CACNA2D3: variants seen among roughly 807,000 people sequenced by gnomAD.
The protein encoded by CACNA2D3 is voltage-dependent calcium channel subunit alpha-2/delta-3.
Under a neutral mutation model 160.6 loss-of-function variants are expected in CACNA2D3, and 60 were observed. That is an observed-to-expected ratio of 0.37 (90% confidence interval 0.30 to 0.46). The LOEUF (loss-of-function observed/expected upper bound fraction) is 0.46. Among genes scored for constraint, CACNA2D3 ranks in the 20% least tolerant of loss-of-function variants. The pLI is 1.00. For synonymous variants in CACNA2D3, 558 were observed against 492.9 expected (o/e 1.13, Z -1.75); for missense variants, 1,205 against 1,365.0 (o/e 0.88, Z 1.85).
At chr3:54,664,485 C>T (rs1339599720) in intron 11 of CACNA2D3, among the ~76,000 whole-genome samples, 1 of 152,212 alleles carries the variant, frequency 6.6e-6, no homozygotes, top group Non-Finnish European at 1.5e-5. Context: ...CCGCCACCTC[C>T]CCCTTTCAGC....
At chr3:54,565,615 G>A (rs1383069853) in intron 6 of CACNA2D3, among the ~76,000 whole-genome samples, 1 of 152,144 alleles carries the variant, frequency 6.6e-6, no homozygotes, top group African/African-American at 2.4e-5. Flanking sequence ...AGTGTGCTAG[G>A]TGAGGCTGAG....
intron 4 of CACNA2D3, among the ~76,000 whole-genome samples, chr3:54,405,968 T>A (rs1699568706): frequency 6.6e-6 from 1 of 152,004 alleles, no homozygotes; most frequent in Admixed American, 6.6e-5. Context: ...TCACTAATCA[T>A]CAGAGAAATA....
chr3:54,531,807 A>G (rs1449656985), intron 5 of CACNA2D3, among the ~76,000 whole-genome samples: 1 of 152,240 alleles, frequency 6.6e-6, no homozygotes, highest in African/African-American at 2.4e-5. Context: ...AGCATTGGCA[A>G]AAATAAAAAA....
At chr3:54,940,818 A>G (rs773582442) in intron 27 of CACNA2D3, among the ~76,000 whole-genome samples, 6 of 152,188 alleles carry the variant, frequency 3.9e-5, no homozygotes, top group African/African-American at 1.4e-4. Flanking sequence ...TCTGAAACCC[A>G]TATGCAAAAA....
intron 11 of CACNA2D3, among the ~76,000 whole-genome samples, chr3:54,702,924 G>T (rs979215132): frequency 6.6e-6 from 1 of 152,170 alleles, no homozygotes; most frequent in African/African-American, 2.4e-5. Flanking sequence ...CACATCCTTT[G>T]CAGCAACATG....
intron 4 of CACNA2D3, among the ~76,000 whole-genome samples, chr3:54,460,652 T>G (rs1169544852): frequency 6.6e-6 from 1 of 152,194 alleles, no homozygotes; most frequent in Non-Finnish European, 1.5e-5. Flanking sequence ...CTGAAGTTGC[T>G]TATCAGCTTA....
chr3:55,029,055 T>C (rs576959911), intron 35 of CACNA2D3, among the ~76,000 whole-genome samples: 1 of 152,326 alleles, frequency 6.6e-6, no homozygotes, highest in African/African-American at 2.4e-5. Flanking sequence ...CAATTTCCTG[T>C]TGAGGTCTCA....
At chr3:54,188,891 G>A (rs1576987862) in intron 2 of CACNA2D3, among the ~76,000 whole-genome samples, 1 of 152,200 alleles carries the variant, frequency 6.6e-6, no homozygotes, top group African/African-American at 2.4e-5. Flanking sequence ...AGACCCCTCT[G>A]ATACCATTTG....
At chr3:54,599,676 C>T (rs569174947) in intron 9 of CACNA2D3, among the ~76,000 whole-genome samples, 9 of 152,294 alleles carry the variant, frequency 5.9e-5, no homozygotes, top group South Asian at 2.1e-4. Context: ...CCCATCAATG[C>T]GGGGAAAAGC....
At chr3:54,988,882 T>G (rs1285077453) in intron 31 of CACNA2D3, among the ~76,000 whole-genome samples, 2 of 152,246 alleles carry the variant, frequency 1.3e-5, no homozygotes, top group African/African-American at 2.4e-5. Context: ...CATACTTGCT[T>G]GCTCTCAGGC....
At chr3:54,849,693 C>T (rs898290364) in intron 17 of CACNA2D3, among the ~76,000 whole-genome samples, 5 of 152,142 alleles carry the variant, frequency 3.3e-5, no homozygotes. Context: ...ATCCTTATTA[C>T]AAATGGACGA....
At chr3:54,373,628 C>A (rs981635562) in intron 3 of CACNA2D3, among the ~76,000 whole-genome samples, 13 of 152,112 alleles carry the variant, frequency 8.5e-5, no homozygotes, top group African/African-American at 3.1e-4. Flanking sequence ...CCTTCCAGTG[C>A]CATGGTGTCT....
intron 12 of CACNA2D3, among the ~76,000 whole-genome samples, chr3:54,755,022 T>C (rs1474489288): frequency 6.6e-6 from 1 of 152,194 alleles, no homozygotes; most frequent in Non-Finnish European, 1.5e-5. Flanking sequence ...TTCTTCCTTG[T>C]AGATAGACCT....
chr3:54,257,381 T>A (rs1169553003), intron 2 of CACNA2D3, among the ~76,000 whole-genome samples: 6 of 152,220 alleles, frequency 3.9e-5, no homozygotes, highest in Non-Finnish European at 5.9e-5. Context: ...ATGTAAGACC[T>A]GCATTCTTCT....
chr3:54,755,893 C>G (rs1701960648), intron 12 of CACNA2D3, among the ~76,000 whole-genome samples: 2 of 151,980 alleles, frequency 1.3e-5, no homozygotes, highest in African/African-American at 4.8e-5. Context: ...TGCATTTAGT[C>G]ATGGGTTATT....
chr3:54,319,621 A>T (rs1166604400), intron 2 of CACNA2D3, among the ~76,000 whole-genome samples: 1 of 152,170 alleles, frequency 6.6e-6, no homozygotes, highest in Non-Finnish European at 1.5e-5. Flanking sequence ...ATCTTTAGTT[A>T]AACCGTGTTT....
chr3:54,424,627 A>T (rs1213331699), intron 4 of CACNA2D3, among the ~76,000 whole-genome samples: 2 of 151,312 alleles, frequency 1.3e-5, no homozygotes, highest in African/African-American at 4.9e-5. Flanking sequence ...TGGAGCCAGG[A>T]CCTGGGGGTG....
chr3:54,449,689 TCCACCTA>T (rs1700275758), intron 4 of CACNA2D3, among the ~76,000 whole-genome samples: 1 of 152,188 alleles, frequency 6.6e-6, no homozygotes, highest in African/African-American at 2.4e-5. Flanking sequence ...GTGTGGCACC[TCCACCTA>T]CCTTTTTGTC....
At chr3:54,420,959 C>G (rs950326818) in intron 4 of CACNA2D3, among the ~76,000 whole-genome samples, 2 of 152,170 alleles carry the variant, frequency 1.3e-5, no homozygotes, top group Non-Finnish European at 2.9e-5. Flanking sequence ...ATCAAAGGTA[C>G]AGGTTGAATT....
Sources: gnomAD v4.1 joint callset for allele counts (sites outside exome capture counted in the v4.1 genomes callset) on GRCh38, gnomAD v4.1.1 for gene constraint, MANE v1.5 for transcripts, NCBI Gene and HGNC (gene_info 2026-07-23, HGNC 2026-07-21) for gene names.